Variants in NCAM2 observed in about 807,000 individuals in gnomAD.
NCAM2 encodes the protein N-CAM-2.
Under a neutral mutation model 98.1 loss-of-function variants are expected in NCAM2, and 30 were observed. The observed-to-expected ratio is 0.31, with a 90% CI of 0.23 to 0.41. The LOEUF is 0.41. NCAM2 is among the 10% of genes least tolerant of loss of function. The pLI is 1.00. For synonymous variants in NCAM2, 368 were observed against 342.4 expected, an observed-to-expected ratio of 1.07 and a Z score of -0.83; for missense variants, 867 against 1,005.8, an observed-to-expected ratio of 0.86 and a Z score of 1.87.
At chr21:21,214,722 C>CATATATATATATATAT (rs1555829682) in intron 1 of NCAM2, among the ~76,000 whole-genome samples, 23 of 92,596 alleles carry the variant, frequency 2.5e-4, no homozygotes, top group East Asian at 5.7e-4. Flanking sequence ...ATATATATTC[C>CATATATATATATATAT]ATATATATAT....
At chr21:21,420,895 T>C (rs914028257) in intron 11 of NCAM2, among the ~76,000 whole-genome samples, 55 of 151,992 alleles carry the variant, frequency 3.6e-4, no homozygotes, top group Middle Eastern at 3.4e-3. Context: ...CCAAAATGCA[T>C]AGATAATAAA....
chr21:21,250,512 A>C (rs1420121478), intron 1 of NCAM2, among the ~76,000 whole-genome samples: 1 of 152,222 alleles, frequency 6.6e-6, no homozygotes, highest in Non-Finnish European at 1.5e-5. Context: ...AAATATATGC[A>C]ACACATGGGT....
At chr21:21,368,272 T>G (rs979511036) in intron 8 of NCAM2, among the ~76,000 whole-genome samples, 1 of 151,874 alleles carries the variant, frequency 6.6e-6, no homozygotes, top group Non-Finnish European at 1.5e-5. Flanking sequence ...AAGAAATATT[T>G]CTTTTCTCTT....
At chr21:21,462,923 C>CT (rs1361498955) in intron 12 of NCAM2, among the ~76,000 whole-genome samples, 1 of 152,036 alleles carries the variant, frequency 6.6e-6, no homozygotes, top group African/African-American at 2.4e-5. Flanking sequence ...AAAGCTTTTA[C>CT]TAGTTTGTAA....
At chr21:21,329,774 A>G (rs1167805641) in intron 6 of NCAM2, among the ~76,000 whole-genome samples, 1 of 152,112 alleles carries the variant, frequency 6.6e-6, no homozygotes, top group East Asian at 1.9e-4. Context: ...TTGCCAGTGA[A>G]ACCATCCATG....
In NCAM2 at chr21:21,537,830, A is replaced by G; in HGVS notation, c.2403-16A>G. On this transcript the variant is annotated splice_polypyrimidine_tract_variant and intron_variant, in intron 17 of 17. Coordinates refer to ENST00000400546, the MANE Select transcript of NCAM2 (RefSeq NM_004540.5). The stretch of plus-strand genomic sequence containing the variant: ...AATACCTCAGAAAATGAAGCTTATT[A>G]TTTTTTATCTTCCAGAAAATTGCCT... 1 of 1,356,392 alleles carries G rather than the reference A, an allele frequency of 7.4e-7. No homozygotes were observed. Among genetic ancestry groups the G allele is most frequent in the East Asian group, 2.3e-5 (1 of 42,768 alleles). 84.0% of individuals were successfully genotyped at this position (1,356,392 alleles called of 1,614,324 possible). A position where few individuals can be genotyped will look rare whatever the true frequency, so the allele number is the denominator to read the frequency against.
intron 1 of NCAM2, among the ~76,000 whole-genome samples, chr21:21,279,200 A>G (rs191997208): frequency 6.6e-6 from 1 of 152,324 alleles, no homozygotes; most frequent in Admixed American, 6.5e-5. Context: ...AACATGGGAT[A>G]TGGCAAAACT....
chr21:21,134,204 G>T (rs952962300), intron 1 of NCAM2, among the ~76,000 whole-genome samples: 2 of 151,978 alleles, frequency 1.3e-5, no homozygotes, highest in African/African-American at 4.8e-5. Context: ...GAGTAGCTGG[G>T]ATTACAAGTG....
intron 12 of NCAM2, among the ~76,000 whole-genome samples, chr21:21,436,188 T>C (rs947635191): frequency 6.6e-6 from 1 of 152,228 alleles, no homozygotes; most frequent in South Asian, 2.1e-4. Flanking sequence ...TATTGAAACA[T>C]ATGACATAGT....
chr21:21,025,996 A>T (rs1023320250), intron 1 of NCAM2, among the ~76,000 whole-genome samples: 9 of 152,226 alleles, frequency 5.9e-5, no homozygotes, highest in Admixed American at 1.3e-4. Context: ...AACAGGAGTC[A>T]GGTGGAGAAT....
intron 1 of NCAM2, among the ~76,000 whole-genome samples, chr21:21,087,809 A>C (rs914402742): frequency 1.3e-5 from 2 of 152,096 alleles, no homozygotes; most frequent in African/African-American, 4.8e-5. Context: ...TGGCCCCTGG[A>C]AGGCTGAAAT....
At chr21:21,166,231 G>A (rs931923382) in intron 1 of NCAM2, among the ~76,000 whole-genome samples, 16 of 152,014 alleles carry the variant, frequency 1.1e-4, no homozygotes, top group African/African-American at 1.7e-4. Context: ...TTTTTGAGAC[G>A]GAGTCTCGCT....
chr21:21,189,805 T>C (rs2068760146), intron 1 of NCAM2, among the ~76,000 whole-genome samples: 1 of 152,196 alleles, frequency 6.6e-6, no homozygotes, highest in African/African-American at 2.4e-5. Flanking sequence ...TTTACTCCAT[T>C]CTGATGCAAA....
At chr21:21,474,488 C>A (rs565160357) in intron 14 of NCAM2, among the ~76,000 whole-genome samples, 1 of 152,142 alleles carries the variant, frequency 6.6e-6, no homozygotes, top group Non-Finnish European at 1.5e-5. Context: ...ATCTATCTAT[C>A]CCTCTAAAGA....
Position 21,119,408 on chromosome 21 carries a change from T to C in NCAM2, c.55+120790T>C, listed in dbSNP as rs371933301. The stretch of plus-strand genomic sequence containing the variant: ...CATCAATAAGAATAAATTAGTGTTT[T>C]AATGAAGGATTTTTTGCTATTCTCT... On this transcript the variant is annotated intron_variant, in intron 1 of 17. Transcript: ENST00000400546. 2.1e-4 allele frequency among the ~76,000 whole-genome samples: 32 copies of C among 152,300 alleles called. No homozygotes were observed. In the East Asian group the frequency reaches 5.0e-3, roughly 24 times the overall value.
chr21:21,520,430 T>C (rs566679066), intron 16 of NCAM2, among the ~76,000 whole-genome samples: 2 of 152,250 alleles, frequency 1.3e-5, no homozygotes, highest in East Asian at 3.9e-4. Context: ...GTGTGGAAGA[T>C]GGTTCTTCAG....
chr21:21,521,049 T>C (rs1988988465), intron 16 of NCAM2, among the ~76,000 whole-genome samples: 1 of 152,166 alleles, frequency 6.6e-6, no homozygotes, highest in South Asian at 2.1e-4. Context: ...CAAAGTCTAC[T>C]CTCAGAAGAA....
intron 8 of NCAM2, among the ~76,000 whole-genome samples, chr21:21,362,620 G>T (rs546481216): frequency 1.3e-5 from 2 of 152,056 alleles, no homozygotes; most frequent in South Asian, 4.1e-4. Context: ...ATAAATCCTA[G>T]GGCATTGCAA....
At chr21:21,142,916 G>A (rs2067199821) in intron 1 of NCAM2, among the ~76,000 whole-genome samples, 1 of 151,988 alleles carries the variant, frequency 6.6e-6, no homozygotes, top group Admixed American at 6.6e-5. Flanking sequence ...CTGTATTTTT[G>A]TAGACAGCAA....
Sources: gnomAD v4.1 joint callset for allele counts (sites outside exome capture counted in the v4.1 genomes callset) on GRCh38, gnomAD v4.1.1 for gene constraint, MANE v1.5 for transcripts, NCBI Gene and HGNC (gene_info 2026-07-23, HGNC 2026-07-21) for gene names.